The following SDK1 variants were observed in gnomAD, a reference collection of about 807,000 sequenced individuals.
The protein encoded by SDK1 is sidekick cell adhesion molecule 1, also known as protein sidekick-1.
SDK1 carries 157 observed loss-of-function variants against 245.5 expected under a neutral mutation model. That is an observed-to-expected ratio of 0.64 (90% CI 0.56 to 0.73). The LOEUF is 0.73. SDK1 is among the 30% of genes least tolerant of loss of function. The probability of loss-of-function intolerance (pLI) is 0.00; values close to 1 mark genes in which losing one functional copy is unlikely to be tolerated. For synonymous variants in SDK1, 1,647 were observed against 1,278.5 expected, an observed-to-expected ratio of 1.29 and a Z score of -6.15; for missense variants, 3,583 against 3,002.3, an observed-to-expected ratio of 1.19 and a Z score of -4.52.
intron 17 of SDK1, among the ~76,000 whole-genome samples, chr7:4,041,619 A>G (rs1047711570): frequency 1.3e-5 from 2 of 151,424 alleles, no homozygotes; most frequent in African/African-American, 4.9e-5. Flanking sequence ...CTGACTGCCG[A>G]CCCCCAGCAG....
rs774745712 is a variant in SDK1 at position 4,011,130 on chromosome 7, C to A, written c.2279+17C>A. 6.2e-7 allele frequency: 1 copy of A among 1,612,088 alleles called. No individual in the cohort carries two copies. The highest frequency in any genetic ancestry group is 2.2e-5 in the East Asian group (1 of 44,826). On this transcript the variant is annotated intron_variant, in intron 15 of 44. Transcript: ENST00000404826. The stretch of plus-strand genomic sequence containing the variant: ...GACAAGCAGGTGCGTGAATCCCGCC[C>A]CAGGTGGGGGTGTGGAACAGCCGGG...
intron 4 of SDK1, among the ~76,000 whole-genome samples, chr7:3,780,356 A>C (rs1019211423): frequency 1.3e-5 from 2 of 152,212 alleles, no homozygotes; most frequent in African/African-American, 2.4e-5. Flanking sequence ...ACACTAGGAG[A>C]AACAGCATGG....
chr7:3,550,313 G>C (rs1018153911), intron 1 of SDK1, among the ~76,000 whole-genome samples: 2 of 152,084 alleles, frequency 1.3e-5, no homozygotes, highest in African/African-American at 2.4e-5. Flanking sequence ...TTATATTGTA[G>C]TCATTTGCGT....
chr7:3,526,257 C>T (rs929499464), intron 1 of SDK1, among the ~76,000 whole-genome samples: 4 of 151,964 alleles, frequency 2.6e-5, no homozygotes, highest in African/African-American at 9.7e-5. Context: ...AAAAATCACA[C>T]TGTGACCTTT....
chr7:3,710,616 T>C (rs1339843659), intron 4 of SDK1, among the ~76,000 whole-genome samples: 2 of 152,362 alleles, frequency 1.3e-5, no homozygotes, highest in Admixed American at 6.5e-5. Flanking sequence ...CGGTGAAATC[T>C]AAGGCAAACA....
Position 4,149,835 on chromosome 7 carries a change from G to A in SDK1, c.4625+372G>A, listed in dbSNP as rs141665723. ...GGACCATGTGGAGGAGGGCTGGGCT[G>A]GCCTCGGGTGTCCAGGGCTGGAGGG... On this transcript the variant is annotated intron_variant, in intron 30 of 44. Coordinates refer to ENST00000404826, the MANE Select transcript of SDK1 (RefSeq NM_152744.4). Among the ~76,000 whole-genome samples, 676 of 152,282 alleles carry A rather than the reference G, an allele frequency of 4.4e-3. 15 individuals carry two copies. The highest frequency in any genetic ancestry group is 0.038 in the East Asian group (198 of 5,166).
chr7:3,628,235 C>T (rs527412773), intron 2 of SDK1, among the ~76,000 whole-genome samples: 2 of 152,028 alleles, frequency 1.3e-5, no homozygotes, highest in Non-Finnish European at 2.9e-5. Context: ...CTACATAGTT[C>T]TGTTAATAAT....
At chr7:3,920,691 G>A (rs1401825898) in intron 5 of SDK1, among the ~76,000 whole-genome samples, 3 of 152,154 alleles carry the variant, frequency 2.0e-5, no homozygotes, top group African/African-American at 7.2e-5. Context: ...GGGAGTGACT[G>A]TTTTAGGATT....
intron 4 of SDK1, among the ~76,000 whole-genome samples, chr7:3,817,503 T>C (rs530986810): frequency 1.3e-5 from 2 of 152,350 alleles, no homozygotes; most frequent in South Asian, 4.1e-4. Flanking sequence ...CTTCCTGGTC[T>C]TCAGGCACCT....
chr7:4,177,424 C>T (rs965973702), intron 34 of SDK1, among the ~76,000 whole-genome samples: 1 of 152,242 alleles, frequency 6.6e-6, no homozygotes, highest in Non-Finnish European at 1.5e-5. Context: ...TGGTGCTTGG[C>T]CCCCTGCCCT....
chr7:3,702,196 T>C (rs1784760567), intron 4 of SDK1, among the ~76,000 whole-genome samples: 1 of 152,116 alleles, frequency 6.6e-6, no homozygotes, highest in Admixed American at 6.5e-5. Flanking sequence ...AGACAAACCA[T>C]AGACTGTAAT....
At chr7:3,997,051 A>G (rs903900082) in intron 14 of SDK1, among the ~76,000 whole-genome samples, 3 of 152,242 alleles carry the variant, frequency 2.0e-5, no homozygotes, top group Non-Finnish European at 2.9e-5. Flanking sequence ...GTCATTTACA[A>G]TACTCCAGAA....
intron 44 of SDK1, among the ~76,000 whole-genome samples, chr7:4,250,412 C>G (rs950990117): frequency 6.6e-6 from 1 of 151,976 alleles, no homozygotes; most frequent in East Asian, 1.9e-4. Context: ...GGCATGATCT[C>G]AGCTCCCTCT....
At chr7:3,307,596 G>T (rs1300536679) in intron 1 of SDK1, among the ~76,000 whole-genome samples, 1 of 152,188 alleles carries the variant, frequency 6.6e-6, no homozygotes, top group Non-Finnish European at 1.5e-5. Context: ...TTGGCTTCCT[G>T]ACAGAAAGCT....
rs577279302 is a variant in SDK1, at chr7:3,824,643, C to T, written c.847+3060C>T. The stretch of plus-strand genomic sequence containing the variant: ...AAGTGATGCGCTGTCACCCAGCTAA[C>T]AGGAGGAAATAATACATTTTCATCA... On this transcript the variant is annotated intron_variant, in intron 5 of 44. Transcript: ENST00000404826. 9.2e-5 allele frequency among the ~76,000 whole-genome samples: 14 copies of T among 152,304 alleles called. No homozygotes were observed. The East Asian group carries it at 2.7e-3, about 29-fold the overall frequency.
rs775024146 is a variant in SDK1 at position 3,584,655 on chromosome 7, C to T, written c.299-34425C>T. ...TCCAGAGAAGTCGCACGTGCTTGGG[C>T]GTGTCCGCTGAGTGAGCTGGTGTGT... On this transcript the variant is annotated intron_variant, in intron 1 of 44. Coordinates refer to ENST00000404826, the MANE Select transcript of SDK1 (RefSeq NM_152744.4). Among the ~76,000 whole-genome samples, 6 of 152,186 alleles carry T rather than the reference C, an allele frequency of 3.9e-5. No homozygotes were observed. In the South Asian group the frequency reaches 8.3e-4, roughly 21 times the overall value.
chr7:4,044,596 A>G (rs1388731921), intron 17 of SDK1, among the ~76,000 whole-genome samples: 1 of 151,980 alleles, frequency 6.6e-6, no homozygotes, highest in Non-Finnish European at 1.5e-5. Context: ...GGTGCATGCC[A>G]CCATGCCTGG....
At chr7:3,438,975 C>G (rs1780111985) in intron 1 of SDK1, among the ~76,000 whole-genome samples, 1 of 151,596 alleles carries the variant, frequency 6.6e-6, no homozygotes, top group Admixed American at 6.6e-5. Flanking sequence ...GCCTCAGCCT[C>G]CCGAGTAGTT....
intron 5 of SDK1, among the ~76,000 whole-genome samples, chr7:3,862,398 C>T (rs1270971916): frequency 6.6e-6 from 1 of 152,104 alleles, no homozygotes; most frequent in South Asian, 2.1e-4. Flanking sequence ...TGTGGCACAG[C>T]GAGCAAATCT....
Sources: gnomAD v4.1 joint callset for allele counts (sites outside exome capture counted in the v4.1 genomes callset) on GRCh38, gnomAD v4.1.1 for gene constraint, MANE v1.5 for transcripts, NCBI Gene and HGNC (gene_info 2026-07-23, HGNC 2026-07-21) for gene names.